Variants in WWOX observed in about 807,000 individuals in gnomAD.
The protein encoded by WWOX is WW domain containing oxidoreductase, also known as WW domain-containing oxidoreductase.
A neutral mutation model predicts 46.2 loss-of-function variants in WWOX; 69 were observed. The ratio of observed to expected loss-of-function variants is 1.49; its 90% CI spans 1.23 to 1.82. The LOEUF (loss-of-function observed/expected upper bound fraction) is 1.82, where lower values mean the gene tolerates loss of function less well. Among genes scored for constraint, WWOX ranks in the 40% most tolerant of loss-of-function variants. The pLI is 0.00. For missense variants in WWOX, 919 were observed against 542.6 expected (o/e 1.69, Z -6.89); for synonymous variants, 359 against 202.6 (o/e 1.77, Z -6.56).
chr16:78,656,887 C>T (rs903951708), intron 8 of WWOX, among the ~76,000 whole-genome samples: 4 of 152,178 alleles, frequency 2.6e-5, no homozygotes, highest in Admixed American at 1.3e-4. Flanking sequence ...GCTGTAGATA[C>T]ACAGCCGCTC....
chr16:79,194,616 C>G (rs1336700366), intron 8 of WWOX, among the ~76,000 whole-genome samples: 2 of 152,142 alleles, frequency 1.3e-5, no homozygotes, highest in Admixed American at 6.5e-5. Context: ...TTCTCCACCC[C>G]CGTTCAGTTC....
intron 5 of WWOX, among the ~76,000 whole-genome samples, chr16:78,286,692 G>GT (rs142594741): frequency 0.038 from 5,825 of 151,810 alleles, 368 homozygotes; most frequent in African/African-American, 0.13. Context: ...ACTCAAAGCA[G>GT]TAAAAAATAA....
At chr16:78,781,632 G>C (rs969094779) in intron 8 of WWOX, among the ~76,000 whole-genome samples, 1 of 152,092 alleles carries the variant, frequency 6.6e-6, no homozygotes, top group African/African-American at 2.4e-5. Context: ...ACAAAGACAT[G>C]AATATTGGGC....
intron 8 of WWOX, among the ~76,000 whole-genome samples, chr16:78,974,683 T>G (rs1468973445): frequency 3.9e-5 from 6 of 152,234 alleles, no homozygotes; most frequent in Non-Finnish European, 8.8e-5. Flanking sequence ...GATTATTCTG[T>G]GGCTACCTAA....
chr16:79,003,874 A>G (rs947007092), intron 8 of WWOX, among the ~76,000 whole-genome samples: 2 of 152,146 alleles, frequency 1.3e-5, no homozygotes, highest in African/African-American at 4.8e-5. Flanking sequence ...AGGGGAAGGG[A>G]CACAGACTCC....
intron 5 of WWOX, among the ~76,000 whole-genome samples, chr16:78,218,916 G>A (rs2036805584): frequency 6.6e-6 from 1 of 152,246 alleles, no homozygotes; most frequent in Admixed American, 6.5e-5. Flanking sequence ...GGAAAGCAAG[G>A]TGGATTTATC....
intron 8 of WWOX, chr16:78,896,330 C>G (rs1161220651): frequency 2.0e-5 from 3 of 151,986 alleles, no homozygotes; most frequent in Non-Finnish European, 4.4e-5. Context: ...ACTGGCTTCC[C>G]AAAACCACTT....
chr16:78,601,595 C>A (rs190985616), intron 8 of WWOX, among the ~76,000 whole-genome samples: 173 of 152,134 alleles, frequency 1.1e-3, no homozygotes, highest in African/African-American at 3.9e-3. Flanking sequence ...ATAGCTTTAC[C>A]CGTGGTGTAA....
At chr16:78,280,305 G>T (rs1173727600) in intron 5 of WWOX, among the ~76,000 whole-genome samples, 1 of 152,172 alleles carries the variant, frequency 6.6e-6, no homozygotes, top group Non-Finnish European at 1.5e-5. Context: ...TGTAATGATA[G>T]ATATTATATA....
intron 8 of WWOX, among the ~76,000 whole-genome samples, chr16:78,882,052 G>T (rs957165213): frequency 1.3e-5 from 2 of 149,046 alleles, no homozygotes; most frequent in African/African-American, 5.0e-5. Flanking sequence ...CTTGAGCCCG[G>T]GAGACGGAGG....
chr16:78,131,864 G>A (rs866075910), intron 4 of WWOX, among the ~76,000 whole-genome samples: 146 of 151,534 alleles, frequency 9.6e-4, no homozygotes, highest in African/African-American at 3.1e-3. Context: ...GATTACAGGC[G>A]TGAGCCACCG....
chr16:78,494,836 G>C (rs1457991872), intron 8 of WWOX, among the ~76,000 whole-genome samples: 1 of 152,196 alleles, frequency 6.6e-6, no homozygotes, highest in Non-Finnish European at 1.5e-5. Flanking sequence ...AGGAAGGCCT[G>C]TCAATTGAGT....
chr16:78,754,183 C>A (rs1597552837), intron 8 of WWOX, among the ~76,000 whole-genome samples: 1 of 152,100 alleles, frequency 6.6e-6, no homozygotes, highest in Admixed American at 6.6e-5. Context: ...CCTGGGGATG[C>A]CATCTTCTCT....
intron 8 of WWOX, among the ~76,000 whole-genome samples, chr16:78,730,028 A>C (rs1229260472): frequency 6.6e-6 from 1 of 152,156 alleles, no homozygotes; most frequent in African/African-American, 2.4e-5. Context: ...GTTGTTTCTT[A>C]TGATAAGTAA....
At position 78,582,417 on chromosome 16, in the gene WWOX, T is replaced by C. The variant is rs955794125; in HGVS notation, c.1056+149665T>C. On this transcript the variant is annotated intron_variant, in intron 8 of 8. Coordinates refer to ENST00000566780, the MANE Select transcript of WWOX (RefSeq NM_016373.4). ...AGTGGGAGTATCAATTTTTCTTAAA[T>C]GTAGAGATTTAGTTTTTCAAAAATT... 7.9e-5 allele frequency among the ~76,000 whole-genome samples: 12 copies of C among 152,210 alleles called. No homozygotes were observed. The East Asian group carries it at 1.9e-3, about 24-fold the overall frequency.
At chr16:78,919,524 G>C (rs67413429) in intron 8 of WWOX, among the ~76,000 whole-genome samples, 1 of 13,554 alleles carries the variant, frequency 7.4e-5, no homozygotes, top group South Asian at 4.5e-3. Flanking sequence ...TTTTTGTTTT[G>C]TTTTTTTTTT....
intron 8 of WWOX, among the ~76,000 whole-genome samples, chr16:79,071,268 T>G (rs1228259042): frequency 6.6e-6 from 1 of 152,234 alleles, no homozygotes; most frequent in Non-Finnish European, 1.5e-5. Context: ...TACATACATT[T>G]TTGACAACCT....
At chr16:78,471,052 TCTTC>T (rs1429724589) in intron 8 of WWOX, among the ~76,000 whole-genome samples, 2 of 152,236 alleles carry the variant, frequency 1.3e-5, no homozygotes, top group African/African-American at 4.8e-5. Context: ...GTATTTTCAC[TCTTC>T]CTTCCTACCC....
intron 8 of WWOX, among the ~76,000 whole-genome samples, chr16:78,838,686 A>G (rs1204031853): frequency 6.6e-6 from 1 of 152,090 alleles, no homozygotes; most frequent in Non-Finnish European, 1.5e-5. Context: ...TACTAAAAAT[A>G]CAAAAAGTTA....
Sources: allele counts gnomAD v4.1 joint callset (sites outside exome capture counted in the v4.1 genomes callset), GRCh38; gene constraint gnomAD v4.1.1; transcripts MANE v1.5; gene names NCBI Gene and HGNC (gene_info 2026-07-23, HGNC 2026-07-21).